Variants in FNBP1L observed in about 807,000 individuals in gnomAD.
FNBP1L encodes the protein formin binding protein 1 like.
In FNBP1L, 36 loss-of-function variants were observed where a neutral mutation model predicts 91.2. The observed-to-expected ratio is 0.39, with a 90% CI of 0.30 to 0.52. FNBP1L has a LOEUF of 0.52. Ranked by LOEUF, FNBP1L falls within the 20% of genes least tolerant of loss-of-function variation. FNBP1L has a pLI of 0.66. For missense variants in FNBP1L, 571 were observed against 732.1 expected, an observed-to-expected ratio of 0.78 and a Z score of 2.54; for synonymous variants, 242 against 237.0, an observed-to-expected ratio of 1.02 and a Z score of -0.19.
At chr1:93,511,213 G>T (rs1034286483) in intron 2 of FNBP1L, among the ~76,000 whole-genome samples, 3 of 152,140 alleles carry the variant, frequency 2.0e-5, no homozygotes, top group Admixed American at 6.5e-5. Flanking sequence ...GAGAAAGGTC[G>T]GGTTACCCTC....
intron 7 of FNBP1L, among the ~76,000 whole-genome samples, chr1:93,532,353 G>A (rs1030914108): frequency 2.2e-4 from 33 of 151,870 alleles, no homozygotes; most frequent in African/African-American, 7.7e-4. Context: ...TGTAGTCCCA[G>A]CTACTTGAGA....
Position 93,549,372 on chromosome 1 carries a change from G to A in FNBP1L, c.1597G>A (p.Asp533Asn). 6.2e-7 allele frequency: 1 copy of A among 1,612,668 alleles called. No homozygotes were observed. The highest frequency in any genetic ancestry group is 8.5e-7 in the Non-Finnish European group (1 of 1,179,384). Reference protein sequence around the residue: ...HHNEFDDEFEDDDPLPAIGHC... With the variant: ...HHNEFDDEFENDDPLPAIGHC... Reference sequence around the variant, plus strand: ...CAATGAGTTTGATGATGAATTTGAGGATGATGATCCCTTGCCTGCTATTGG... The same window carrying A: ...CAATGAGTTTGATGATGAATTTGAGAATGATGATCCCTTGCCTGCTATTGG... The change falls in exon 15 of 17, where the codon GAT (aspartate) becomes AAT (asparagine). Residue 533 changes from aspartate to asparagine, a missense_variant. Asp to Asn is a conservative substitution (Grantham distance 23). Coordinates refer to ENST00000271234, the MANE Select transcript of FNBP1L (RefSeq NM_001164473.3).
At chr1:93,456,015 C>G (rs923180402) in intron 1 of FNBP1L, among the ~76,000 whole-genome samples, 10 of 152,244 alleles carry the variant, frequency 6.6e-5, no homozygotes. Context: ...CCCCTCTAGT[C>G]TCAACTATTT....
chr1:93,531,001 G>A, intron 7 of FNBP1L, 118 bp downstream of exon 7: 3 of 793,286 alleles, frequency 3.8e-6, no homozygotes, highest in Non-Finnish European at 3.8e-6. Flanking sequence ...GTTGGGGTGA[G>A]AGATTCCTTT....
intron 1 of FNBP1L, among the ~76,000 whole-genome samples, chr1:93,489,699 T>TA (rs899258651): frequency 2.0e-5 from 3 of 152,074 alleles, no homozygotes; most frequent in Non-Finnish European, 4.4e-5. Flanking sequence ...CCCCTATCTT[T>TA]AAAAAAACAA....
At chr1:93,505,879 A>G (rs1051331284) in intron 2 of FNBP1L, among the ~76,000 whole-genome samples, 6 of 152,156 alleles carry the variant, frequency 3.9e-5, no homozygotes, top group African/African-American at 9.7e-5. Context: ...GGGTTTTACC[A>G]TATTGACCAG....
At chr1:93,513,602 A>T (rs556671831) in intron 2 of FNBP1L, among the ~76,000 whole-genome samples, 2 of 151,842 alleles carry the variant, frequency 1.3e-5, no homozygotes, top group African/African-American at 4.8e-5. Flanking sequence ...CTGGGATGCA[A>T]GGCTGGTTCA....
intron 2 of FNBP1L, among the ~76,000 whole-genome samples, chr1:93,503,390 C>G (rs1362185168): frequency 6.6e-6 from 1 of 152,110 alleles, no homozygotes; most frequent in Non-Finnish European, 1.5e-5. Flanking sequence ...AACTGTAATT[C>G]AAGATGAGAT....
At chr1:93,507,357 A>G (rs889630434) in intron 2 of FNBP1L, among the ~76,000 whole-genome samples, 1 of 152,200 alleles carries the variant, frequency 6.6e-6, no homozygotes. Context: ...AGGGGTGAAC[A>G]GAAAAAGAGC....
intron 1 of FNBP1L, among the ~76,000 whole-genome samples, chr1:93,452,194 A>G (rs2101679907): frequency 6.6e-6 from 1 of 152,328 alleles, no homozygotes; most frequent in East Asian, 1.9e-4. Context: ...TGACCAAGAC[A>G]ATGCTTGTAG....
At chr1:93,501,984 G>A (rs1670453942) in intron 2 of FNBP1L, among the ~76,000 whole-genome samples, 1 of 152,072 alleles carries the variant, frequency 6.6e-6, no homozygotes, top group African/African-American at 2.4e-5. Context: ...GTGCCTGTCA[G>A]TAGAAGAATG....
intron 10 of FNBP1L, among the ~76,000 whole-genome samples, 157 bp downstream of exon 10, chr1:93,536,647 C>A (rs886699906): frequency 1.3e-5 from 2 of 152,038 alleles, no homozygotes; most frequent in African/African-American, 4.8e-5. Context: ...AAAAACAACT[C>A]CTCTTTATAA....
chr1:93,534,007 C>A (rs1570858275), intron 8 of FNBP1L, among the ~76,000 whole-genome samples: 1 of 152,052 alleles, frequency 6.6e-6, no homozygotes, highest in East Asian at 1.9e-4. Flanking sequence ...TGTAGAGATA[C>A]TCTGAAAATA....
At chr1:93,533,259 T>A (rs569701255) in intron 8 of FNBP1L, among the ~76,000 whole-genome samples, 191 bp downstream of exon 8, 4 of 150,628 alleles carry the variant, frequency 2.7e-5, no homozygotes, top group Non-Finnish European at 4.4e-5. Flanking sequence ...TCTAATTCTT[T>A]CTTAAAAAAA....
intron 16 of FNBP1L, 156 bp from the exon 17 acceptor site, chr1:93,552,253 T>G (rs1425257271): frequency 1.4e-6 from 2 of 1,423,840 alleles, no homozygotes; most frequent in African/African-American, 1.4e-5. Context: ...AGATTGGTTT[T>G]TAATTTTGCC....
At chr1:93,534,557 TG>T (rs1225267588) in intron 8 of FNBP1L, 147 bp from the exon 9 acceptor site, 1 of 517,470 alleles carries the variant, frequency 1.9e-6, no homozygotes, top group Non-Finnish European at 3.4e-6. Flanking sequence ...TACACATTCA[TG>T]GGAATAAATT....
intron 1 of FNBP1L, among the ~76,000 whole-genome samples, chr1:93,471,559 G>A (rs1035075828): frequency 2.0e-5 from 3 of 152,142 alleles, no homozygotes; most frequent in African/African-American, 4.8e-5. Flanking sequence ...GGGCGTGGTG[G>A]TGTGTGCCTG....
chr1:93,499,630 A>C (rs751715508), intron 2 of FNBP1L, 47 bp downstream of exon 2: 1 of 1,117,718 alleles, frequency 8.9e-7, no homozygotes, highest in Non-Finnish European at 1.3e-6. Context: ...TACATGTTTA[A>C]ACAGTTGAAT....
intron 2 of FNBP1L, among the ~76,000 whole-genome samples, chr1:93,507,159 C>T (rs1670666160): frequency 8.4e-6 from 1 of 118,952 alleles, no homozygotes; most frequent in South Asian, 2.9e-4. Flanking sequence ...TCTTTCTCTC[C>T]GTCCCTCCCT....
Sources: gnomAD v4.1 joint callset for allele counts (sites outside exome capture counted in the v4.1 genomes callset) on GRCh38, gnomAD v4.1.1 for gene constraint, MANE v1.5 for transcripts, NCBI Gene and HGNC (gene_info 2026-07-23, HGNC 2026-07-21) for gene names.